GALNT17: variants seen among roughly 807,000 people sequenced by gnomAD.
GALNT17 encodes the protein UDP-GalNAc:polypeptide N-acetylgalactosaminyltransferase-like 3.
Under a neutral mutation model 63.7 loss-of-function variants are expected in GALNT17, and 29 were observed. The observed-to-expected ratio is 0.46, with a 90% CI of 0.34 to 0.62. GALNT17 has a LOEUF of 0.62. Ranked by LOEUF, GALNT17 falls within the 20% of genes least tolerant of loss-of-function variation. GALNT17 has a pLI of 0.01. For synonymous variants in GALNT17, 305 were observed against 318.3 expected, an observed-to-expected ratio of 0.96 and a Z score of 0.45; for missense variants, 603 against 799.6, an observed-to-expected ratio of 0.75 and a Z score of 2.97.
chr7:71,345,119 C>G (rs1792067053), intron 2 of GALNT17, among the ~76,000 whole-genome samples: 1 of 150,942 alleles, frequency 6.6e-6, no homozygotes, highest in Admixed American at 6.6e-5. Context: ...TCTAAGCCCC[C>G]ACTGTTTTTT....
chr7:71,695,003 C>A (rs1313964535), intron 9 of GALNT17, among the ~76,000 whole-genome samples: 1 of 152,226 alleles, frequency 6.6e-6, no homozygotes, highest in Non-Finnish European at 1.5e-5. Context: ...AAAAGAAATT[C>A]ATGTCATCAG....
chr7:71,225,085 C>T (rs1040739597), intron 1 of GALNT17, among the ~76,000 whole-genome samples: 9 of 152,162 alleles, frequency 5.9e-5, no homozygotes, highest in East Asian at 1.9e-4. Context: ...TCTCTTGCCT[C>T]AGCCTCCCGC....
chr7:71,557,468 C>G (rs1423473140), intron 5 of GALNT17, among the ~76,000 whole-genome samples: 1 of 152,150 alleles, frequency 6.6e-6, no homozygotes, highest in Non-Finnish European at 1.5e-5. Context: ...TCAAGACTTT[C>G]TCTTCACATG....
chr7:71,494,479 G>C (rs1413867885), intron 5 of GALNT17, among the ~76,000 whole-genome samples: 1 of 152,074 alleles, frequency 6.6e-6, no homozygotes, highest in African/African-American at 2.4e-5. Flanking sequence ...CCAAGTAGCT[G>C]GGACTACAGG....
intron 1 of GALNT17, among the ~76,000 whole-genome samples, chr7:71,246,139 T>TG (rs1790092526): frequency 8.4e-6 from 1 of 119,024 alleles, no homozygotes; most frequent in Non-Finnish European, 1.8e-5. Context: ...TTTTTTTTTT[T>TG]GAGACAGAGG....
chr7:71,691,868 T>A (rs10255848), intron 9 of GALNT17, among the ~76,000 whole-genome samples: 2 of 139,386 alleles, frequency 1.4e-5, no homozygotes, highest in Non-Finnish European at 3.1e-5. Context: ...CTTTCTTTCT[T>A]TCCTTTCTTT....
intron 5 of GALNT17, among the ~76,000 whole-genome samples, chr7:71,428,859 C>T (rs529677054): frequency 4.6e-5 from 7 of 152,330 alleles, no homozygotes; most frequent in African/African-American, 1.7e-4. Context: ...CAGGGCTCCC[C>T]TGTGTTCCAG....
In GALNT17 at chr7:71,234,418, A is replaced by G. The variant is rs566418216; in HGVS notation, c.239-101132A>G. ...CTAGATTACAGGCATCTGCCACCAC[A>G]CCCAGCTAATTTTTTGTATTTTTAG... On this transcript the variant is annotated intron_variant, in intron 1 of 10. Coordinates refer to ENST00000333538, the MANE Select transcript of GALNT17 (RefSeq NM_022479.3). 6.6e-5 allele frequency among the ~76,000 whole-genome samples: 10 copies of G among 151,986 alleles called. No homozygotes were observed. In the South Asian group the frequency reaches 2.1e-3, roughly 32 times the overall value.
intron 5 of GALNT17, among the ~76,000 whole-genome samples, chr7:71,431,639 T>C (rs1033956985): frequency 1.3e-5 from 2 of 152,144 alleles, no homozygotes; most frequent in African/African-American, 4.8e-5. Flanking sequence ...AGAGTCTGTG[T>C]TCTTACCTGC....
intron 9 of GALNT17, among the ~76,000 whole-genome samples, chr7:71,685,061 T>C (rs1791332189): frequency 6.6e-6 from 1 of 152,106 alleles, no homozygotes; most frequent in Non-Finnish European, 1.5e-5. Flanking sequence ...TCATTTGGTC[T>C]TGGGTACTCT....
intron 1 of GALNT17, among the ~76,000 whole-genome samples, chr7:71,174,475 A>G (rs1788601075): frequency 1.3e-5 from 2 of 152,204 alleles, no homozygotes; most frequent in African/African-American, 2.4e-5. Flanking sequence ...TGAAGAGACC[A>G]CTAAACAGGC....
chr7:71,667,872 T>G (rs1277126369), intron 7 of GALNT17, among the ~76,000 whole-genome samples: 1 of 152,060 alleles, frequency 6.6e-6, no homozygotes, highest in Non-Finnish European at 1.5e-5. Context: ...CGATCTTGGT[T>G]CCCTGTAACC....
At chr7:71,556,727 T>G (rs1314217742) in intron 5 of GALNT17, among the ~76,000 whole-genome samples, 2 of 151,254 alleles carry the variant, frequency 1.3e-5, no homozygotes, top group Admixed American at 6.6e-5. Flanking sequence ...ACCCAGCTAT[T>G]TTGTTTTGTT....
chr7:71,222,676 A>G (rs550159268), intron 1 of GALNT17, among the ~76,000 whole-genome samples: 2 of 152,164 alleles, frequency 1.3e-5, no homozygotes, highest in East Asian at 1.9e-4. Flanking sequence ...TTTATTCATG[A>G]TTTGATTTAG....
At chr7:71,360,517 G>A (rs1286701986) in intron 2 of GALNT17, among the ~76,000 whole-genome samples, 1 of 152,178 alleles carries the variant, frequency 6.6e-6, no homozygotes, top group Non-Finnish European at 1.5e-5. Context: ...AAACTGGCCT[G>A]ATCTATATAT....
chr7:71,171,424 C>G (rs1474091007), intron 1 of GALNT17, among the ~76,000 whole-genome samples: 1 of 152,198 alleles, frequency 6.6e-6, no homozygotes, highest in Non-Finnish European at 1.5e-5. Flanking sequence ...TGGCTTGAGC[C>G]TGGCAGTTCA....
At position 71,621,297 on chromosome 7, in the gene GALNT17, G is replaced by A. The variant is rs1029801764; in HGVS notation, c.1081-44114G>A. Among the ~76,000 whole-genome samples, 3 of 151,758 alleles carry A rather than the reference G, an allele frequency of 2.0e-5. No homozygotes were observed. The East Asian group carries it at 5.8e-4, about 29-fold the overall frequency. ...TCTCAGTATACATGAAATACTTATA[G>A]CTACTTCATTAGCTTTCTTCTGTCT... On this transcript the variant is annotated intron_variant, in intron 6 of 10. Coordinates refer to ENST00000333538, the MANE Select transcript of GALNT17 (RefSeq NM_022479.3).
chr7:71,248,876 A>G (rs541862932), intron 1 of GALNT17, among the ~76,000 whole-genome samples: 3 of 152,218 alleles, frequency 2.0e-5, no homozygotes, highest in African/African-American at 7.2e-5. Context: ...AGATCCACCT[A>G]CTTTTACCGT....
intron 6 of GALNT17, among the ~76,000 whole-genome samples, chr7:71,637,450 A>C (rs1790543574): frequency 6.6e-6 from 1 of 150,998 alleles, no homozygotes; most frequent in African/African-American, 2.4e-5. Flanking sequence ...CGGCCTCCCA[A>C]AGTGCTGGGA....
Sources: gnomAD v4.1 joint callset for allele counts (sites outside exome capture counted in the v4.1 genomes callset) on GRCh38, gnomAD v4.1.1 for gene constraint, MANE v1.5 for transcripts, NCBI Gene and HGNC (gene_info 2026-07-23, HGNC 2026-07-21) for gene names.